The following SH3RF1 variants were observed in gnomAD, a reference collection of about 807,000 sequenced individuals.
SH3RF1 encodes the protein E3 ubiquitin-protein ligase SH3RF1.
Under a neutral mutation model 74.0 loss-of-function variants are expected in SH3RF1, and 32 were observed. The observed-to-expected ratio is 0.43, with a 90% CI of 0.33 to 0.58. The LOEUF is 0.58. Ranked by LOEUF, SH3RF1 falls within the 20% of genes least tolerant of loss-of-function variation. The pLI is 0.05. For synonymous variants in SH3RF1, 396 were observed against 439.6 expected, an observed-to-expected ratio of 0.90 and a Z score of 1.24; for missense variants, 954 against 1,130.9, an observed-to-expected ratio of 0.84 and a Z score of 2.24.
intron 2 of SH3RF1, among the ~76,000 whole-genome samples, chr4:169,182,855 C>T (rs1000550982): frequency 6.6e-6 from 1 of 150,390 alleles, no homozygotes; most frequent in African/African-American, 2.4e-5. Context: ...TTTCTTCCAA[C>T]CAAAAAAAAA....
intron 2 of SH3RF1, among the ~76,000 whole-genome samples, chr4:169,210,320 T>A (rs542443963): frequency 1.3e-5 from 2 of 152,232 alleles, no homozygotes; most frequent in Non-Finnish European, 2.9e-5. Flanking sequence ...AACTGAACTT[T>A]ACCTTCTAAT....
At chr4:169,201,001 TA>T (rs1734898439) in intron 2 of SH3RF1, among the ~76,000 whole-genome samples, 1 of 152,134 alleles carries the variant, frequency 6.6e-6, no homozygotes, top group Non-Finnish European at 1.5e-5. Context: ...GTCAGTTAAA[TA>T]AATTTTAAAA....
intron 2 of SH3RF1, among the ~76,000 whole-genome samples, chr4:169,261,650 G>A (rs982175715): frequency 6.6e-6 from 1 of 151,268 alleles, no homozygotes; most frequent in Non-Finnish European, 1.5e-5. Flanking sequence ...AGATCAATGT[G>A]AGTAGATACG....
chr4:169,151,471 T>A (rs1271733228), intron 4 of SH3RF1, among the ~76,000 whole-genome samples: 1 of 152,184 alleles, frequency 6.6e-6, no homozygotes, highest in Non-Finnish European at 1.5e-5. Flanking sequence ...AAGATTGGAA[T>A]CCTGGCCATC....
At position 169,102,575 on chromosome 4, in the gene SH3RF1, C is replaced by T. The variant is rs570637180; in HGVS notation, c.2498+4272G>A. ...CATATACTTTCTTTTATTTGCCATC[C>T]CTTCTGAAATATTTTCTTTCCACTT... On this transcript the variant is annotated intron_variant, in intron 11 of 11. Coordinates refer to ENST00000284637, the MANE Select transcript of SH3RF1 (RefSeq NM_020870.4). 4.0e-5 allele frequency among the ~76,000 whole-genome samples: 6 copies of T among 151,646 alleles called. No homozygotes were observed. The East Asian group carries it at 1.2e-3, about 29-fold the overall frequency.
chr4:169,269,865 G>C (rs1579173549), intron 1 of SH3RF1: 1 of 152,198 alleles, frequency 6.6e-6, no homozygotes, highest in South Asian at 2.1e-4. Context: ...CAACCAAAAA[G>C]AGCTGAAGGT....
intron 1 of SH3RF1, 122 bp from the exon 2 acceptor site, chr4:169,269,429 G>T: frequency 2.0e-6 from 1 of 500,424 alleles, no homozygotes; most frequent in South Asian, 3.8e-5. Flanking sequence ...GAATAGTGTA[G>T]CTTTGCTTTG....
intron 2 of SH3RF1, chr4:169,204,253 A>G (rs1049502553): frequency 2.0e-5 from 3 of 151,726 alleles, no homozygotes; most frequent in Admixed American, 2.0e-4. Context: ...CGAGTACTGT[A>G]GTTTACGTTT....
At chr4:169,173,999 T>TTATATA (rs35680762) in intron 2 of SH3RF1, among the ~76,000 whole-genome samples, 15,221 of 148,974 alleles carry the variant, frequency 0.1, 788 homozygotes, top group Middle Eastern at 0.17. Flanking sequence ...ATTTCCTGAG[T>TTATATA]TATATATATA....
rs142185140 is a variant in SH3RF1 at position 169,265,866 on chromosome 4, C to T, written c.393+2954G>A. ...ATGATTCCTTAAATCATTGGAACTG[C>T]GCATAAAAAGCAGAAACTATTAGGT... On this transcript the variant is annotated intron_variant, in intron 2 of 11. Transcript: ENST00000284637. 3.2e-4 allele frequency among the ~76,000 whole-genome samples: 49 copies of T among 152,292 alleles called. No individual in the cohort carries two copies. The East Asian group carries it at 4.8e-3, about 15-fold the overall frequency.
chr4:169,237,801 T>C (rs1730843624), intron 2 of SH3RF1, among the ~76,000 whole-genome samples: 1 of 152,058 alleles, frequency 6.6e-6, no homozygotes, highest in South Asian at 2.1e-4. Context: ...TTATAAGAAA[T>C]AAGAAATAAG....
rs545022179 is a variant in SH3RF1 at position 169,148,286 on chromosome 4, C to T, written c.765+7194G>A. ...AGAGTGGAGGCCACGATTCCTTTCT[C>T]GATTCCTGGCTCTGTGTCCCCCTGA... On this transcript the variant is annotated intron_variant, in intron 4 of 11. Transcript: ENST00000284637. Among the ~76,000 whole-genome samples, 20 of 152,282 alleles carry T rather than the reference C, an allele frequency of 1.3e-4. No homozygotes were observed. In the South Asian group the frequency reaches 3.1e-3, roughly 24 times the overall value.
chr4:169,173,641 TA>T (rs577516269), intron 2 of SH3RF1, among the ~76,000 whole-genome samples: 47 of 152,250 alleles, frequency 3.1e-4, no homozygotes, highest in African/African-American at 1.1e-3. Context: ...TTACACATGT[TA>T]GCTCTGGAGA....
At chr4:169,116,901 T>C (rs558894213) in intron 9 of SH3RF1, among the ~76,000 whole-genome samples, 3 of 152,354 alleles carry the variant, frequency 2.0e-5, no homozygotes, top group Admixed American at 2.0e-4. Context: ...AGACAGCCTC[T>C]CCACAGTGTT....
intron 2 of SH3RF1, among the ~76,000 whole-genome samples, chr4:169,229,051 C>T (rs1193192883): frequency 6.6e-6 from 1 of 152,094 alleles, no homozygotes. Context: ...ATGACAGTCT[C>T]ACCAGGAAAG....
chr4:169,259,039 A>G (rs1039749553), intron 2 of SH3RF1, among the ~76,000 whole-genome samples: 2 of 152,152 alleles, frequency 1.3e-5, no homozygotes, highest in Non-Finnish European at 2.9e-5. Context: ...ACTAGATATG[A>G]AGCATCCTAT....
At chr4:169,196,836 T>C (rs1399260947) in intron 2 of SH3RF1, among the ~76,000 whole-genome samples, 3 of 152,202 alleles carry the variant, frequency 2.0e-5, no homozygotes, top group African/African-American at 7.2e-5. Context: ...CCTTAAACCC[T>C]ATAACTTAAT....
In SH3RF1 at chr4:169,265,714, C is replaced by T. The variant is rs1037178795; in HGVS notation, c.393+3106G>A. Among the ~76,000 whole-genome samples the T allele has an allele frequency of 1.1e-4, 16 of 152,058 alleles. 1 individual carries two copies. Among genetic ancestry groups the T allele is most frequent in the African/African-American group, 3.6e-4 (15 of 41,384 alleles). Reference sequence around the variant, plus strand: ...TCTGGAACTCTTGACCTCAAGTGATCCACCCACCTCCTCGGCCTCCCAAAC... The same window carrying T: ...TCTGGAACTCTTGACCTCAAGTGATTCACCCACCTCCTCGGCCTCCCAAAC... On this transcript the variant is annotated intron_variant, in intron 2 of 11. Transcript: ENST00000284637.
intron 11 of SH3RF1, among the ~76,000 whole-genome samples, chr4:169,101,303 G>A (rs928856481): frequency 2.0e-5 from 3 of 152,128 alleles, no homozygotes; most frequent in African/African-American, 7.2e-5. Context: ...ATTCTGACAC[G>A]TGCTACAACA....
Sources: allele counts gnomAD v4.1 joint callset (sites outside exome capture counted in the v4.1 genomes callset), GRCh38; gene constraint gnomAD v4.1.1; transcripts MANE v1.5; gene names NCBI Gene and HGNC (gene_info 2026-07-23, HGNC 2026-07-21).